The following HINT3 variants were observed in gnomAD, a reference collection of about 807,000 sequenced individuals.
HINT3 encodes histidine triad nucleotide binding protein 3.
In HINT3, 16 loss-of-function variants were observed where a neutral mutation model predicts 19.1. The ratio of observed to expected loss-of-function variants is 0.84; its 90% confidence interval spans 0.57 to 1.27. HINT3 has a LOEUF of 1.27. HINT3 is among the 50% of genes most tolerant of loss of function. HINT3 has a pLI of 0.00. For missense variants in HINT3, 197 were observed against 225.8 expected (o/e 0.87, Z 0.82); for synonymous variants, 75 against 84.8 (o/e 0.88, Z 0.63).
intron 3 of HINT3, among the ~76,000 whole-genome samples, chr6:125,972,972 T>C (rs1789129299): frequency 6.6e-6 from 1 of 151,524 alleles, no homozygotes; most frequent in Admixed American, 6.6e-5. Flanking sequence ...TTTATATGAT[T>C]TAAAAACACA....
chr6:125,960,660 G>GGGGGC (rs1554209611), intron 1 of HINT3, among the ~76,000 whole-genome samples: 9 of 145,548 alleles, frequency 6.2e-5, no homozygotes, highest in Non-Finnish European at 9.2e-5. Context: ...CTCTCTGGGG[G>GGGGGC]GGGGGAAAAA....
rs767388132 is a variant in HINT3, at chr6:125,978,411, T to A, written c.*735T>A. 6.6e-6 allele frequency: 1 copy of A among 152,160 alleles called. No individual in the cohort carries two copies. Among genetic ancestry groups the A allele is most frequent in the African/African-American group, 2.4e-5 (1 of 41,454 alleles). 9.4% of individuals were successfully genotyped at this position (152,160 alleles called of 1,614,324 possible). ...CATAAAGTGGTTCTCTTAATAAAAC[T>A]AGCAGAAAATGTTGCTTTATGGCAT... On this transcript the variant is annotated 3_prime_UTR_variant, in exon 5 of 5. Transcript: ENST00000229633.
chr6:125,963,306 T>C (rs1788971051), intron 1 of HINT3, among the ~76,000 whole-genome samples: 1 of 152,160 alleles, frequency 6.6e-6, no homozygotes, highest in Admixed American at 6.5e-5. Context: ...AGAAAACCTG[T>C]CTTTGTAGTC....
In HINT3 at chr6:125,979,607, A is replaced by C. The variant is rs1789222266; in HGVS notation, c.*1931A>C. 6.6e-6 allele frequency: 1 copy of C among 152,154 alleles called. No homozygotes were observed. Among genetic ancestry groups the C allele is most frequent in the South Asian group, 2.1e-4 (1 of 4,820 alleles). The allele number at this position is 152,154 out of a possible 1,614,324, so 9.4% of individuals were successfully genotyped here. ...TCTCTTCTAAAAAAATACAAAAATTAGCCGGGTATGGTGGCGCATGCCTGT... is the reference window on the plus strand; with the variant it reads ...TCTCTTCTAAAAAAATACAAAAATTCGCCGGGTATGGTGGCGCATGCCTGT... On this transcript the variant is annotated 3_prime_UTR_variant, in exon 5 of 5. Transcript: ENST00000229633.
intron 1 of HINT3, among the ~76,000 whole-genome samples, chr6:125,962,082 G>A (rs1171755710): frequency 6.7e-6 from 1 of 149,432 alleles, no homozygotes; most frequent in Non-Finnish European, 1.5e-5. Flanking sequence ...AAAATGCCTC[G>A]ACATGGTAAC....
At chr6:125,967,715 A>G (rs989153683) in intron 2 of HINT3, among the ~76,000 whole-genome samples, 9 of 152,296 alleles carry the variant, frequency 5.9e-5, no homozygotes, top group African/African-American at 1.7e-4. Flanking sequence ...ACAAGTTACG[A>G]TATGACAAAT....
chr6:125,979,020 C>CAGGGA lies in HINT3; in HGVS notation c.*1345_*1346insGGGAA, dbSNP rs767822181. 1.3e-5 allele frequency: 2 copies of CAGGGA among 152,128 alleles called. No individual in the cohort carries two copies. Among genetic ancestry groups the CAGGGA allele is most frequent in the African/African-American group, 2.4e-5 (1 of 41,422 alleles). The allele number at this position is 152,128 out of a possible 1,614,324, so 9.4% of individuals were successfully genotyped here. A position where few individuals can be genotyped will look rare whatever the true frequency, so the allele number is the denominator to read the frequency against. The stretch of plus-strand genomic sequence containing the variant: ...AGTGCGTTAAGTTCCCTGATGCCTT[C>CAGGGA]ACAGCCAGAAGAGGCTGTGAAGGGA... On this transcript the variant is annotated 3_prime_UTR_variant, in exon 5 of 5. Coordinates refer to ENST00000229633, the MANE Select transcript of HINT3 (RefSeq NM_138571.5).
At chr6:125,960,055 A>AT (rs1362255125) in intron 1 of HINT3, among the ~76,000 whole-genome samples, 1 of 152,248 alleles carries the variant, frequency 6.6e-6, no homozygotes, top group Admixed American at 6.5e-5. Context: ...AGCAGGTGAC[A>AT]TTTGGGTTAA....
chr6:125,976,514 T>TG (rs1396216426), intron 4 of HINT3, among the ~76,000 whole-genome samples: 9 of 148,992 alleles, frequency 6.0e-5, no homozygotes, highest in Non-Finnish European at 1.2e-4. Flanking sequence ...ACAGCTGGTT[T>TG]GGGTTTTTTT....
In HINT3 at chr6:125,956,954, T is replaced by C. The variant is rs1359862637; in HGVS notation, c.-24T>C. 1 of 1,547,970 alleles carries C rather than the reference T, an allele frequency of 6.5e-7. No individual in the cohort carries two copies. The highest frequency in any genetic ancestry group is 2.4e-5 in the East Asian group (1 of 40,874). On this transcript the variant is annotated 5_prime_UTR_variant, in exon 1 of 5. Coordinates refer to ENST00000229633, the MANE Select transcript of HINT3 (RefSeq NM_138571.5). ...CCGGTAGCCCTGGAGAGGCCGAGGCTCTAGGCCGCGAGGGGCGGGTGCAAT... is the reference window on the plus strand; with the variant it reads ...CCGGTAGCCCTGGAGAGGCCGAGGCCCTAGGCCGCGAGGGGCGGGTGCAAT...
At chr6:125,964,799 G>T (rs182555562) in intron 1 of HINT3, among the ~76,000 whole-genome samples, 37 of 151,336 alleles carry the variant, frequency 2.4e-4, no homozygotes, top group African/African-American at 9.0e-4. Flanking sequence ...TTTTGCCAGC[G>T]TATCTATGGA....
At chr6:125,961,412 C>T (rs1177443432) in intron 1 of HINT3, among the ~76,000 whole-genome samples, 1 of 152,136 alleles carries the variant, frequency 6.6e-6, no homozygotes, top group African/African-American at 2.4e-5. Flanking sequence ...AGCATCAGAT[C>T]CCGCAGGTTG....
At chr6:125,960,311 C>T (rs1788900234) in intron 1 of HINT3, among the ~76,000 whole-genome samples, 1 of 152,104 alleles carries the variant, frequency 6.6e-6, no homozygotes, top group African/African-American at 2.4e-5. Flanking sequence ...TTGTATTGAC[C>T]CAGGGTTGGG....
intron 3 of HINT3, among the ~76,000 whole-genome samples, chr6:125,974,489 ATGT>A (rs1454431797): frequency 5.9e-5 from 9 of 152,220 alleles, no homozygotes; most frequent in African/African-American, 2.2e-4. Flanking sequence ...GTGTCCAGTG[ATGT>A]TTTTAAAAAT....
intron 1 of HINT3, among the ~76,000 whole-genome samples, chr6:125,957,644 T>C (rs1788860141): frequency 6.6e-6 from 1 of 152,182 alleles, no homozygotes; most frequent in Admixed American, 6.5e-5. Context: ...ATGATAATTG[T>C]GGAAAGCTGT....
At chr6:125,975,633 A>G (rs1289422714) in intron 4 of HINT3, among the ~76,000 whole-genome samples, 1 of 144,866 alleles carries the variant, frequency 6.9e-6, no homozygotes, top group Non-Finnish European at 1.5e-5. Flanking sequence ...GCTGGAGTGC[A>G]GTAGTGCAAT....
intron 2 of HINT3, among the ~76,000 whole-genome samples, chr6:125,969,842 G>A (rs766334954): frequency 3.3e-5 from 5 of 152,116 alleles, no homozygotes; most frequent in East Asian, 3.8e-4. Context: ...TTTGTATCCC[G>A]AAACTTTACT....
intron 2 of HINT3, among the ~76,000 whole-genome samples, chr6:125,968,627 T>C (rs952874786): frequency 6.6e-6 from 1 of 152,196 alleles, no homozygotes; most frequent in Admixed American, 6.5e-5. Flanking sequence ...TACATTCTCA[T>C]CAACAGCATG....
At chr6:125,964,040 T>C (rs1788982202) in intron 1 of HINT3, among the ~76,000 whole-genome samples, 1 of 152,194 alleles carries the variant, frequency 6.6e-6, no homozygotes, top group African/African-American at 2.4e-5. Flanking sequence ...TACTTTGTTA[T>C]TCACTTGGAG....
Sources: gnomAD v4.1 joint callset for allele counts (sites outside exome capture counted in the v4.1 genomes callset) on GRCh38, gnomAD v4.1.1 for gene constraint, MANE v1.5 for transcripts, NCBI Gene and HGNC (gene_info 2026-07-23, HGNC 2026-07-21) for gene names.